The following KCNT2 variants were observed in gnomAD, a reference collection of about 807,000 sequenced individuals.
KCNT2 encodes the protein potassium channel subfamily T member 2.
Under a neutral mutation model 153.8 loss-of-function variants are expected in KCNT2, and 67 were observed. The ratio of observed to expected loss-of-function variants is 0.44; its 90% confidence interval spans 0.36 to 0.53. KCNT2 has a LOEUF of 0.53. KCNT2 is among the 20% of genes least tolerant of loss of function. KCNT2 has a pLI of 0.00. For synonymous variants in KCNT2, 500 were observed against 458.8 expected (o/e 1.09, Z -1.15); for missense variants, 975 against 1,354.8 (o/e 0.72, Z 4.40).
At chr1:196,577,980 G>A (rs927121534) in intron 1 of KCNT2, among the ~76,000 whole-genome samples, 2 of 151,934 alleles carry the variant, frequency 1.3e-5, no homozygotes, top group Non-Finnish European at 2.9e-5. Context: ...ATTTTAAAAC[G>A]TGTAATTTTT....
At chr1:196,333,300 TAG>T (rs1413844225) in intron 17 of KCNT2, among the ~76,000 whole-genome samples, 1 of 152,000 alleles carries the variant, frequency 6.6e-6, no homozygotes, top group Non-Finnish European at 1.5e-5. Flanking sequence ...TAATACTATA[TAG>T]ATTGGCGTTC....
intron 8 of KCNT2, among the ~76,000 whole-genome samples, chr1:196,437,036 A>AT (rs369941465): frequency 3.5e-3 from 101 of 29,260 alleles, no homozygotes; most frequent in South Asian, 0.018. Context: ...ATAAATATAT[A>AT]TCATATATAA....
chr1:196,584,541 T>A (rs1218206577), intron 1 of KCNT2, among the ~76,000 whole-genome samples: 1 of 152,070 alleles, frequency 6.6e-6, no homozygotes, highest in Admixed American at 6.6e-5. Context: ...AAGAAAAGAT[T>A]AGCAGAGAGG....
intron 22 of KCNT2, among the ~76,000 whole-genome samples, chr1:196,296,366 T>C (rs1237287821): frequency 2.0e-5 from 3 of 152,010 alleles, no homozygotes; most frequent in East Asian, 3.9e-4. Context: ...CCATATTCAA[T>C]TAATCTGATA....
intron 27 of KCNT2, among the ~76,000 whole-genome samples, chr1:196,230,013 C>CA (rs1197880345): frequency 9.2e-5 from 14 of 151,922 alleles, no homozygotes; most frequent in African/African-American, 2.4e-4. Flanking sequence ...AGCAAGTTAT[C>CA]AAAAAAATCA....
At chr1:196,240,315 A>C (rs1314067186) in intron 26 of KCNT2, among the ~76,000 whole-genome samples, 1 of 152,060 alleles carries the variant, frequency 6.6e-6, no homozygotes, top group Non-Finnish European at 1.5e-5. Flanking sequence ...CTGGCATGAA[A>C]AATGAGGATA....
intron 11 of KCNT2, among the ~76,000 whole-genome samples, chr1:196,425,024 A>G (rs1673532627): frequency 6.6e-6 from 1 of 152,032 alleles, no homozygotes; most frequent in African/African-American, 2.4e-5. Flanking sequence ...TTAAATCTAG[A>G]AGAGTATGCA....
intron 20 of KCNT2, among the ~76,000 whole-genome samples, chr1:196,318,188 C>T (rs1485003600): frequency 6.6e-6 from 1 of 151,622 alleles, no homozygotes; most frequent in African/African-American, 2.4e-5. Flanking sequence ...CCCTTTCTAT[C>T]CCTCTCTAAG....
intron 26 of KCNT2, among the ~76,000 whole-genome samples, chr1:196,250,469 CA>C (rs1308200504): frequency 3.9e-5 from 6 of 152,018 alleles, no homozygotes; most frequent in Admixed American, 3.9e-4. Context: ...TCACCATTTA[CA>C]AAAATAAATC....
intron 13 of KCNT2, among the ~76,000 whole-genome samples, chr1:196,388,267 C>T (rs10922061): frequency 0.033 from 5,019 of 151,752 alleles, 120 homozygotes; most frequent in South Asian, 0.07. Context: ...ATCTATTTGT[C>T]TATCATTATG....
At chr1:196,456,129 C>G (rs998574826) in intron 8 of KCNT2, among the ~76,000 whole-genome samples, 3 of 151,986 alleles carry the variant, frequency 2.0e-5, no homozygotes, top group Non-Finnish European at 4.4e-5. Context: ...TTGCCTGCCT[C>G]AGGAGGCATG....
intron 16 of KCNT2, among the ~76,000 whole-genome samples, chr1:196,335,621 A>C (rs755487690): frequency 7.9e-5 from 12 of 152,270 alleles, no homozygotes; most frequent in Non-Finnish European, 1.3e-4. Context: ...TTAAAATTCT[A>C]CTTTCCTCAA....
chr1:196,226,196 A>C lies in KCNT2; in HGVS notation c.*2028T>G, dbSNP rs1237785437. ...ATAATGCAAAAATACCAAACTTCAG[A>C]TCTTGTGGGGAAATAAAAGATTTGT... On this transcript the variant is annotated 3_prime_UTR_variant, in exon 28 of 28. Transcript: ENST00000294725. The C allele has an allele frequency of 5.9e-5, 9 of 152,042 alleles. No homozygotes were observed. Among genetic ancestry groups the C allele is most frequent in the Admixed American group, 5.9e-4 (9 of 15,270 alleles). The allele number at this position is 152,042 out of a possible 1,614,324, so 9.4% of individuals were successfully genotyped here.
chr1:196,429,749 C>T lies in KCNT2; in HGVS notation c.647G>A (p.Gly216Glu). 2 of 1,592,512 alleles carry T rather than the reference C, an allele frequency of 1.3e-6. No individual in the cohort carries two copies. The highest frequency in any genetic ancestry group is 1.7e-6 in the Non-Finnish European group (2 of 1,170,872). ...LLCLIFTCIC[G>E]IQHLERIGKK... ...TCCTATTCGTTCCAGATGTTGGATC[C>T]CACAAATGCTAAAGAAACAAATATG... The change falls in exon 9 of 28, where the codon GGG (glycine) becomes GAG (glutamate). Residue 216 changes from glycine to glutamate, a missense_variant. Transcript: ENST00000294725.
At chr1:196,566,637 T>G (rs1358056071) in intron 1 of KCNT2, among the ~76,000 whole-genome samples, 1 of 151,878 alleles carries the variant, frequency 6.6e-6, no homozygotes, top group African/African-American at 2.4e-5. Flanking sequence ...AAATGGAAGT[T>G]TACCCATAGT....
intron 8 of KCNT2, among the ~76,000 whole-genome samples, chr1:196,461,093 T>C (rs912946708): frequency 6.6e-6 from 1 of 151,748 alleles, no homozygotes; most frequent in Non-Finnish European, 1.5e-5. Flanking sequence ...TTAGACCATG[T>C]TGTAATTCTT....
intron 3 of KCNT2, among the ~76,000 whole-genome samples, chr1:196,485,618 G>A (rs1329928744): frequency 1.3e-5 from 2 of 151,474 alleles, no homozygotes; most frequent in Non-Finnish European, 2.9e-5. Flanking sequence ...TATGTCTTGT[G>A]AAATAGGCTT....
At chr1:196,543,622 A>T (rs1172184107) in intron 1 of KCNT2, among the ~76,000 whole-genome samples, 1 of 152,188 alleles carries the variant, frequency 6.6e-6, no homozygotes, top group Non-Finnish European at 1.5e-5. Context: ...ATGGATGTCC[A>T]CGATAATTTT....
At chr1:196,395,690 C>T (rs1572293784) in intron 13 of KCNT2, among the ~76,000 whole-genome samples, 2 of 151,566 alleles carry the variant, frequency 1.3e-5, no homozygotes, top group Non-Finnish European at 3.0e-5. Context: ...CATGAAATGT[C>T]TCACTCCAGA....
Sources: gnomAD v4.1 joint callset for allele counts (sites outside exome capture counted in the v4.1 genomes callset) on GRCh38, gnomAD v4.1.1 for gene constraint, MANE v1.5 for transcripts, NCBI Gene and HGNC (gene_info 2026-07-23, HGNC 2026-07-21) for gene names.